The following ADGRV1 variants were observed in gnomAD, a reference collection of about 807,000 sequenced individuals.
The protein encoded by ADGRV1 is G-protein coupled receptor 98.
In ADGRV1, 359 loss-of-function variants were observed where a neutral mutation model predicts 596.2. The ratio of observed to expected loss-of-function variants is 0.60; its 90% CI spans 0.55 to 0.66. The LOEUF is 0.66. ADGRV1 is among the 30% of genes least tolerant of loss of function. ADGRV1 has a pLI of 0.00. For missense variants in ADGRV1, 7,274 were observed against 7,575.6 expected (o/e 0.96, Z 1.48); for synonymous variants, 2,681 against 2,679.2 (o/e 1.00, Z -0.02).
intron 34 of ADGRV1, among the ~76,000 whole-genome samples, chr5:90,699,276 A>T (rs749490050): frequency 6.6e-6 from 1 of 152,172 alleles, no homozygotes; most frequent in Non-Finnish European, 1.5e-5. Context: ...CTAATGGATT[A>T]AGGCAAACAA....
chr5:90,635,144 C>A lies in ADGRV1; in HGVS notation c.1870C>A (p.Pro624Thr). 1 of 1,604,066 alleles carries A rather than the reference C, an allele frequency of 6.2e-7. No homozygotes were observed. The highest frequency in any genetic ancestry group is 8.5e-7 in the Non-Finnish European group (1 of 1,171,226). The part of the protein sequence containing the change: ...LETVELLNII[P>T]LIPPISPRFG... Reference sequence around the variant, plus strand: ...AACTGTGGAGTTGTTAAACATAATTCCTCTAATCCCACCCATAAGCCCTAG... The same window carrying A: ...AACTGTGGAGTTGTTAAACATAATTACTCTAATCCCACCCATAAGCCCTAG... Residue 624 changes from proline to threonine, a missense_variant, in exon 10 of 90, where the codon CCT (proline) becomes ACT (threonine). By Grantham distance (38) the Pro-to-Thr change is conservative. This residue lies in a region of ADGRV1 where 1,715 missense variants were observed against 1,708.8 expected (regional missense o/e 1.00). Coordinates refer to ENST00000405460, the MANE Select transcript of ADGRV1 (RefSeq NM_032119.4).
rs973542202 is a variant in ADGRV1 at position 90,940,226 on chromosome 5, C to T, written c.17857-25189C>T. 2.0e-5 allele frequency among the ~76,000 whole-genome samples: 3 copies of T among 152,182 alleles called. No homozygotes were observed. In the East Asian group the frequency reaches 5.8e-4, roughly 29 times the overall value. On this transcript the variant is annotated intron_variant, in intron 83 of 89. Transcript: ENST00000405460. ...GACTTGGATATAAATCTGATTCTGT[C>T]TTGTAACCAAAATATGAGTTGCTTT...
chr5:90,820,218 A>G (rs1485530934), intron 75 of ADGRV1, among the ~76,000 whole-genome samples: 1 of 146,610 alleles, frequency 6.8e-6, no homozygotes, highest in Admixed American at 6.8e-5. Context: ...AGTCTGTTTT[A>G]TCAGAGACTA....
intron 85 of ADGRV1, among the ~76,000 whole-genome samples, chr5:91,021,221 A>G (rs1783606737): frequency 6.6e-6 from 1 of 152,100 alleles, no homozygotes; most frequent in Non-Finnish European, 1.5e-5. Context: ...TAGAATGTCA[A>G]TAACAACTGT....
intron 58 of ADGRV1, chr5:90,762,731 G>C (rs2150011914): frequency 6.6e-6 from 1 of 152,282 alleles, no homozygotes; most frequent in East Asian, 1.9e-4. Flanking sequence ...ATAATTCAGA[G>C]GACAGTTTAG....
At chr5:90,622,198 G>T (rs1424938169) in intron 4 of ADGRV1, among the ~76,000 whole-genome samples, 1 of 152,204 alleles carries the variant, frequency 6.6e-6, no homozygotes, top group Non-Finnish European at 1.5e-5. Flanking sequence ...AAGAGTGGTT[G>T]TGGACAAGGC....
chr5:90,628,865 T>C (rs1223133073), intron 8 of ADGRV1, 33 bp downstream of exon 8: 1 of 1,595,358 alleles, frequency 6.3e-7, no homozygotes, highest in South Asian at 1.1e-5. Context: ...TGCTTGTTAA[T>C]ATTTCTGTGC....
At chr5:90,646,144 A>G in intron 16 of ADGRV1, 53 bp downstream of exon 16, 1 of 1,328,868 alleles carries the variant, frequency 7.5e-7, no homozygotes, top group Non-Finnish European at 1.0e-6. Flanking sequence ...AATAGTATAT[A>G]TAAATGTATA....
At chr5:90,932,052 A>G (rs1338601513) in intron 83 of ADGRV1, among the ~76,000 whole-genome samples, 1 of 152,150 alleles carries the variant, frequency 6.6e-6, no homozygotes, top group Non-Finnish European at 1.5e-5. Flanking sequence ...TAAATTTTCC[A>G]CTTGCTAGAA....
chr5:90,606,361 C>G (rs1310607051), intron 1 of ADGRV1, among the ~76,000 whole-genome samples: 1 of 152,092 alleles, frequency 6.6e-6, no homozygotes, highest in African/African-American at 2.4e-5. Flanking sequence ...ATTAAATAAG[C>G]ATGTCTTGAG....
intron 1 of ADGRV1, among the ~76,000 whole-genome samples, chr5:90,584,078 T>A (rs1758419412): frequency 6.6e-6 from 1 of 152,206 alleles, no homozygotes; most frequent in Non-Finnish European, 1.5e-5. Flanking sequence ...TAACTCAGGT[T>A]CCTCATTTCA....
intron 5 of ADGRV1, among the ~76,000 whole-genome samples, chr5:90,623,221 G>C (rs1204307201): frequency 6.6e-6 from 1 of 152,104 alleles, no homozygotes; most frequent in Non-Finnish European, 1.5e-5. Flanking sequence ...TGTATACAAT[G>C]CTTACATGAA....
intron 59 of ADGRV1, among the ~76,000 whole-genome samples, chr5:90,766,988 C>G (rs1757214884): frequency 6.6e-6 from 1 of 152,114 alleles, no homozygotes; most frequent in African/African-American, 2.4e-5. Flanking sequence ...ATAATTCCAA[C>G]CTAACCACAG....
intron 82 of ADGRV1, among the ~76,000 whole-genome samples, chr5:90,862,162 A>C (rs1303812500): frequency 6.6e-6 from 1 of 152,220 alleles, no homozygotes; most frequent in Non-Finnish European, 1.5e-5. Flanking sequence ...AAGTTAAAGG[A>C]AAAGGCTATA....
intron 73 of ADGRV1, among the ~76,000 whole-genome samples, chr5:90,809,798 T>C (rs751527976): frequency 2.6e-5 from 4 of 152,226 alleles, no homozygotes; most frequent in African/African-American, 4.8e-5. Flanking sequence ...GTTAGTTCCA[T>C]TACTGGCAGC....
chr5:90,781,028 T>G (rs909656298), intron 64 of ADGRV1: 1 of 204,362 alleles, frequency 4.9e-6, no homozygotes, highest in Non-Finnish European at 1.0e-5. Context: ...AACCTAACAC[T>G]GTAAATCTCA....
chr5:91,128,575 C>T (rs1793958682), intron 87 of ADGRV1, among the ~76,000 whole-genome samples: 1 of 152,124 alleles, frequency 6.6e-6, no homozygotes, highest in African/African-American at 2.4e-5. Context: ...AAATGAAAGG[C>T]TTATTGTACC....
intron 1 of ADGRV1, among the ~76,000 whole-genome samples, chr5:90,611,559 A>G (rs1762730716): frequency 6.6e-6 from 1 of 151,948 alleles, no homozygotes; most frequent in South Asian, 2.1e-4. Context: ...CCCATTAGAG[A>G]AGAGGAATGA....
intron 36 of ADGRV1, among the ~76,000 whole-genome samples, chr5:90,705,139 G>A (rs1265364311): frequency 6.6e-6 from 1 of 151,890 alleles, no homozygotes; most frequent in Non-Finnish European, 1.5e-5. Flanking sequence ...AAATTATCTG[G>A]GTACTTTCCT....
Sources: gnomAD v4.1 joint callset for allele counts (sites outside exome capture counted in the v4.1 genomes callset) on GRCh38, gnomAD v4.1.1 for gene constraint, gnomAD v4.1.1 regional missense constraint, MANE v1.5 for transcripts, NCBI Gene and HGNC (gene_info 2026-07-23, HGNC 2026-07-21) for gene names.